The following PLXNA2 variants were observed in gnomAD, a reference collection of about 807,000 sequenced individuals.
PLXNA2 encodes the protein plexin-A2.
PLXNA2 carries 91 observed loss-of-function variants against 193.5 expected under a neutral mutation model. The observed-to-expected ratio is 0.47, with a 90% CI of 0.40 to 0.56. PLXNA2 has a LOEUF of 0.56. Ranked by LOEUF, PLXNA2 falls within the 20% of genes least tolerant of loss-of-function variation. PLXNA2 has a pLI of 0.00. For missense variants in PLXNA2, 1,995 were observed against 2,503.2 expected (o/e 0.80, Z 4.33); for synonymous variants, 997 against 1,027.3 (o/e 0.97, Z 0.56).
Position 208,038,301 on chromosome 1 carries a change from C to T in PLXNA2, c.4764+70G>A. On this transcript the variant is annotated intron_variant, in intron 26 of 31. Transcript: ENST00000367033. The surrounding 1 kb of genome is among the most constrained non-coding windows in gnomAD (Gnocchi z 4.1). ...AAAATCCTTTTTAGACTTTTGAGGC[C>T]TTAGAGCAAGGCTTAGCGGGAAGGG... 1 of 1,106,088 alleles carries T rather than the reference C, an allele frequency of 9.0e-7. No individual in the cohort carries two copies. The highest frequency in any genetic ancestry group is 1.4e-6 in the Non-Finnish European group (1 of 718,380). The allele number at this position is 1,106,088 out of a possible 1,614,324, so 68.5% of individuals were successfully genotyped here.
chr1:208,084,902 C>A (rs1324956691), intron 9 of PLXNA2, among the ~76,000 whole-genome samples: 1 of 152,204 alleles, frequency 6.6e-6, no homozygotes, highest in Non-Finnish European at 1.5e-5. Flanking sequence ...TGTCCCCAAC[C>A]TGGCACCCCT....
chr1:208,063,845 C>T (rs187924149), intron 12 of PLXNA2, among the ~76,000 whole-genome samples: 5 of 152,286 alleles, frequency 3.3e-5, no homozygotes, highest in Admixed American at 3.3e-4. Flanking sequence ...TTCCCAACGC[C>T]TCCATTACTG....
At chr1:208,083,297 C>T (rs763793231) in intron 10 of PLXNA2, among the ~76,000 whole-genome samples, 1 of 152,174 alleles carries the variant, frequency 6.6e-6, no homozygotes, top group South Asian at 2.1e-4. Context: ...GCTGATCCCA[C>T]AGAAGACATT....
At chr1:208,030,085 G>T in intron 29 of PLXNA2, 1 of 985,488 alleles carries the variant, frequency 1.0e-6, no homozygotes, top group South Asian at 4.7e-5. Flanking sequence ...GCTTTACCCA[G>T]CCTCAAGCCC....
At chr1:208,162,184 C>T (rs1669128079) in intron 3 of PLXNA2, among the ~76,000 whole-genome samples, 1 of 152,200 alleles carries the variant, frequency 6.6e-6, no homozygotes, top group Non-Finnish European at 1.5e-5. Flanking sequence ...GGCCAAAGGG[C>T]TCAGGACAGC....
chr1:208,038,908 G>A lies in PLXNA2; in HGVS notation c.4577C>T (p.Thr1526Ile). ...ATCAAGAATCTTCTCCTTGACCTGT[G>A]TGATGGTGTCACAGTTTAACACCTT... ...PVKVLNCDTITQVKEKILDAV... is the reference protein window; with the variant it reads ...PVKVLNCDTIIQVKEKILDAV... The change falls in exon 25 of 32, where the codon ACA (threonine) becomes ATA (isoleucine). Residue 1526 changes from threonine (T) to isoleucine (I), a missense_variant. Physicochemically the swap from Thr to Ile is moderately conservative, Grantham distance 89 (BLOSUM62 -1). Transcript: ENST00000367033. This position sits in a 1 kb window ranked among gnomAD's most constrained non-coding sequence, Gnocchi z 4.1. 1 of 1,614,044 alleles carries A rather than the reference G, an allele frequency of 6.2e-7. No individual in the cohort carries two copies. The highest frequency in any genetic ancestry group is 8.5e-7 in the Non-Finnish European group (1 of 1,179,940).
intron 3 of PLXNA2, among the ~76,000 whole-genome samples, chr1:208,158,218 T>A (rs919980164): frequency 6.6e-6 from 1 of 152,134 alleles, no homozygotes. Context: ...TAAACCTGTG[T>A]CCCTCTGTCT....
intron 1 of PLXNA2, among the ~76,000 whole-genome samples, chr1:208,229,183 C>T (rs1283647883): frequency 6.6e-5 from 10 of 152,166 alleles, no homozygotes; most frequent in Admixed American, 5.9e-4. Flanking sequence ...TCTCTAAAAA[C>T]TGCTAGTTTT....
At chr1:208,230,175 C>T (rs1671642375) in intron 1 of PLXNA2, 1 of 152,190 alleles carries the variant, frequency 6.6e-6, no homozygotes, top group Non-Finnish European at 1.5e-5. Context: ...ACATCATCTC[C>T]TTGGCTGCCT....
intron 9 of PLXNA2, among the ~76,000 whole-genome samples, chr1:208,089,929 T>C (rs143288910): frequency 2.0e-5 from 3 of 152,296 alleles, no homozygotes; most frequent in Non-Finnish European, 4.4e-5. Flanking sequence ...AAGTTGGGCA[T>C]GTGCATCTTT....
chr1:208,215,237 CT>C (rs911525345), intron 2 of PLXNA2, among the ~76,000 whole-genome samples: 1 of 152,216 alleles, frequency 6.6e-6, no homozygotes, highest in Non-Finnish European at 1.5e-5. Flanking sequence ...CTCAAGCAAT[CT>C]GCCTACCTTA....
chr1:208,065,134 G>A (rs562310771), intron 12 of PLXNA2, among the ~76,000 whole-genome samples: 4 of 152,338 alleles, frequency 2.6e-5, no homozygotes, highest in African/African-American at 9.6e-5. Context: ...CTCCCACAGA[G>A]GTGAGGATGA....
At chr1:208,060,592 C>T in intron 13 of PLXNA2, 94 bp downstream of exon 13, 2 of 1,280,468 alleles carry the variant, frequency 1.6e-6, no homozygotes, top group Non-Finnish European at 2.2e-6. Context: ...AATGGGAGAT[C>T]AATCATGGAA....
chr1:208,094,831 T>C (rs1275277347), intron 8 of PLXNA2, among the ~76,000 whole-genome samples: 1 of 152,238 alleles, frequency 6.6e-6, no homozygotes, highest in African/African-American at 2.4e-5. Context: ...CAGAAGATTA[T>C]TCTAATTATG....
Position 208,098,978 on chromosome 1 carries a change from AAC to A in PLXNA2, c.1608-11_1608-10del, listed in dbSNP as rs1163471036. On this transcript the variant is annotated splice_polypyrimidine_tract_variant and intron_variant, in intron 5 of 31. Coordinates refer to ENST00000367033, the MANE Select transcript of PLXNA2 (RefSeq NM_025179.4). ...TGTCCCTGCGGGAGCACCTGCCATA[AAC>A]ACAGATTCACAAGAGGTCAGGCCTC... 5 of 1,612,636 alleles carry A rather than the reference AAC, an allele frequency of 3.1e-6. No individual in the cohort carries two copies. The highest frequency in any genetic ancestry group is 4.2e-6 in the Non-Finnish European group (5 of 1,179,892).
chr1:208,186,551 C>T (rs569759428), intron 3 of PLXNA2, among the ~76,000 whole-genome samples: 39 of 152,256 alleles, frequency 2.6e-4, no homozygotes, highest in Admixed American at 1.8e-3. Context: ...GTGTTGCTGG[C>T]AGCTGTTTAA....
At chr1:208,212,814 T>A (rs997697540) in intron 2 of PLXNA2, among the ~76,000 whole-genome samples, 6 of 152,212 alleles carry the variant, frequency 3.9e-5, no homozygotes, top group African/African-American at 1.2e-4. Context: ...ATCCCTACAC[T>A]ACACGCAGCT....
At chr1:208,069,960 C>T (rs1665929539) in intron 12 of PLXNA2, among the ~76,000 whole-genome samples, 2 of 152,220 alleles carry the variant, frequency 1.3e-5, no homozygotes, top group African/African-American at 4.8e-5. Flanking sequence ...ATTATCATTC[C>T]CATTTTTCGG....
At position 208,064,984 on chromosome 1, in the gene PLXNA2, T is replaced by C. The variant is rs544569735; in HGVS notation, c.2587-4147A>G. On this transcript the variant is annotated intron_variant, in intron 12 of 31. Coordinates refer to ENST00000367033, the MANE Select transcript of PLXNA2 (RefSeq NM_025179.4). ...TTGCATTCCACAAAGTTGGCTCTCC[T>C]GGAAGCCAAGTCTGGCCTTTCTACA... 3.9e-5 allele frequency among the ~76,000 whole-genome samples: 6 copies of C among 152,250 alleles called. No individual in the cohort carries two copies. The South Asian group carries it at 1.0e-3, about 26-fold the overall frequency.
Sources: allele counts gnomAD v4.1 joint callset (sites outside exome capture counted in the v4.1 genomes callset), GRCh38; gene constraint gnomAD v4.1.1; non-coding constraint Gnocchi (gnomAD v3.1); transcripts MANE v1.5; gene names NCBI Gene and HGNC (gene_info 2026-07-23, HGNC 2026-07-21).